The following SCLT1 variants were observed in gnomAD, a reference collection of about 807,000 sequenced individuals.
SCLT1 encodes the protein sodium channel and clathrin linker 1.
A neutral mutation model predicts 112.8 loss-of-function variants in SCLT1; 78 were observed. The ratio of observed to expected loss-of-function variants is 0.69; its 90% CI spans 0.58 to 0.83. The LOEUF is 0.83. SCLT1 is among the 40% of genes least tolerant of loss of function. The pLI, the probability that SCLT1 is intolerant of heterozygous loss-of-function variation, is 0.00. For synonymous variants in SCLT1, 257 were observed against 254.7 expected (o/e 1.01, Z -0.09); for missense variants, 747 against 770.4 (o/e 0.97, Z 0.36).
intron 5 of SCLT1, among the ~76,000 whole-genome samples, chr4:129,029,066 T>G (rs865943091): frequency 9.2e-5 from 14 of 152,150 alleles, no homozygotes; most frequent in South Asian, 2.1e-4. Flanking sequence ...GGAACACTTT[T>G]ACACTGTTGG....
chr4:128,982,223 C>G (rs993672919), intron 9 of SCLT1, among the ~76,000 whole-genome samples: 1 of 152,232 alleles, frequency 6.6e-6, no homozygotes, highest in East Asian at 1.9e-4. Flanking sequence ...TAGAGATAAC[C>G]AGGAGAACCC....
chr4:128,972,814 T>C (rs1056075788), intron 9 of SCLT1, among the ~76,000 whole-genome samples: 2 of 152,206 alleles, frequency 1.3e-5, no homozygotes, highest in South Asian at 2.1e-4. Flanking sequence ...TTATAATGTA[T>C]CTTATCTGTT....
At chr4:128,968,741 A>T (rs1011877769) in intron 10 of SCLT1, among the ~76,000 whole-genome samples, 2 of 152,220 alleles carry the variant, frequency 1.3e-5, no homozygotes, top group African/African-American at 4.8e-5. Context: ...GTAGACAATT[A>T]TCTTGCTTGG....
chr4:129,063,231 T>C (rs1479170121), intron 2 of SCLT1, among the ~76,000 whole-genome samples: 1 of 152,226 alleles, frequency 6.6e-6, no homozygotes, highest in African/African-American at 2.4e-5. Context: ...TCTGAATCAG[T>C]CTTACGTTGC....
chr4:128,941,637 T>C (rs779051484), intron 17 of SCLT1, among the ~76,000 whole-genome samples: 21 of 152,198 alleles, frequency 1.4e-4, no homozygotes, highest in Non-Finnish European at 1.3e-4. Flanking sequence ...CTTAATGGTG[T>C]CTTTTGGTGA....
chr4:129,000,924 C>A (rs529245759), intron 6 of SCLT1, among the ~76,000 whole-genome samples: 1 of 150,854 alleles, frequency 6.6e-6, no homozygotes, highest in East Asian at 1.9e-4. Context: ...TTCCTAACAC[C>A]ATAGATTAGT....
intron 7 of SCLT1, among the ~76,000 whole-genome samples, chr4:128,999,356 CAGGT>C (rs1560945237): frequency 6.6e-6 from 1 of 151,778 alleles, no homozygotes; most frequent in Non-Finnish European, 1.5e-5. Context: ...TTTTAAAAGT[CAGGT>C]AGGAAATCAA....
chr4:128,885,286 AG>A (rs1732806285), intron 20 of SCLT1, among the ~76,000 whole-genome samples: 1 of 152,232 alleles, frequency 6.6e-6, no homozygotes, highest in South Asian at 2.1e-4. Context: ...GACAGCATAA[AG>A]GAAGTCTCGT....
chr4:128,911,673 G>A (rs558194815), intron 18 of SCLT1, among the ~76,000 whole-genome samples: 1 of 152,284 alleles, frequency 6.6e-6, no homozygotes, highest in African/African-American at 2.4e-5. Flanking sequence ...ACAGGTACTG[G>A]TAATCATATT....
At chr4:129,057,409 CT>C (rs35098310) in intron 2 of SCLT1, among the ~76,000 whole-genome samples, 3,707 of 132,572 alleles carry the variant, frequency 0.028, 84 homozygotes, top group African/African-American at 0.076. Context: ...TAATATTATT[CT>C]TTTTTTTTTT....
At chr4:128,876,546 A>ACTT (rs1732524968) in exon 4 of SCLT1, 1 of 152,198 alleles carries the variant, frequency 6.6e-6, no homozygotes, top group African/African-American at 2.4e-5. Flanking sequence ...TTCACAATTA[A>ACTT]CTTCAAGGTT....
chr4:128,873,964 C>G (rs1025551817), intron 5 of SCLT1: 3 of 152,528 alleles, frequency 2.0e-5, no homozygotes, highest in Non-Finnish European at 4.4e-5. Flanking sequence ...ATTTTCAAAC[C>G]AAGTCTTAAC....
At chr4:128,923,096 TAG>T (rs748435902) in intron 18 of SCLT1, among the ~76,000 whole-genome samples, 40 of 152,272 alleles carry the variant, frequency 2.6e-4, no homozygotes, top group Non-Finnish European at 4.7e-4. Context: ...ATTTTGAGTG[TAG>T]AGTTTGGTGA....
chr4:128,921,648 A>C lies in SCLT1; in HGVS notation c.1829+15007T>G, dbSNP rs952297627. Among the ~76,000 whole-genome samples the C allele has an allele frequency of 7.2e-5, 11 of 152,236 alleles. 1 individual carries two copies. Among genetic ancestry groups the C allele is most frequent in the African/African-American group, 2.7e-4 (11 of 41,468 alleles). ...TAATATCATATACACAAATCTTCTTAAGGTTGATTAGAAAATTAAATGTAA... is the reference window on the plus strand; with the variant it reads ...TAATATCATATACACAAATCTTCTTCAGGTTGATTAGAAAATTAAATGTAA... On this transcript the variant is annotated intron_variant, in intron 18 of 20. Coordinates refer to ENST00000281142, the MANE Select transcript of SCLT1 (RefSeq NM_144643.4).
At chr4:129,056,906 CCA>C (rs1230079343) in intron 2 of SCLT1, among the ~76,000 whole-genome samples, 3 of 152,232 alleles carry the variant, frequency 2.0e-5, no homozygotes, top group Admixed American at 2.0e-4. Flanking sequence ...TGGTGTTGTT[CCA>C]AATCTTAGGA....
At chr4:128,914,143 A>C (rs971144413) in intron 18 of SCLT1, among the ~76,000 whole-genome samples, 1 of 152,136 alleles carries the variant, frequency 6.6e-6, no homozygotes, top group Non-Finnish European at 1.5e-5. Flanking sequence ...AGGCAGGTGG[A>C]TCATGAGGTT....
intron 9 of SCLT1, among the ~76,000 whole-genome samples, chr4:128,980,758 A>C (rs1741574273): frequency 1.3e-5 from 2 of 152,214 alleles, no homozygotes; most frequent in South Asian, 4.1e-4. Context: ...CATTGTGCAA[A>C]GCTTCTATTG....
chr4:128,936,918 T>A, intron 17 of SCLT1, 67 bp from the exon 18 acceptor site: 1 of 625,480 alleles, frequency 1.6e-6, no homozygotes. Context: ...ATCAATGATA[T>A]ATACAAAAGG....
At chr4:128,882,351 C>T (rs1273015625), downstream of SCLT1, among the ~76,000 whole-genome samples, 2 of 152,118 alleles carry the variant, frequency 1.3e-5, no homozygotes, top group Non-Finnish European at 2.9e-5. Flanking sequence ...CATCTGATTA[C>T]CATTTAACTG....
Sources: gnomAD v4.1 joint callset for allele counts (sites outside exome capture counted in the v4.1 genomes callset) on GRCh38, gnomAD v4.1.1 for gene constraint, MANE v1.5 for transcripts, NCBI Gene and HGNC (gene_info 2026-07-23, HGNC 2026-07-21) for gene names.